The following SH3RF2 variants were observed in gnomAD, a reference collection of about 807,000 sequenced individuals.
SH3RF2 encodes the protein SH3 domain containing ring finger 2, also known as E3 ubiquitin-protein ligase SH3RF2.
A neutral mutation model predicts 59.0 loss-of-function variants in SH3RF2; 43 were observed. The ratio of observed to expected loss-of-function variants is 0.73; its 90% CI spans 0.57 to 0.94. The LOEUF is 0.94. SH3RF2 is among the 40% of genes least tolerant of loss of function. The pLI is 0.00. For missense variants in SH3RF2, 930 were observed against 940.1 expected, an observed-to-expected ratio of 0.99 and a Z score of 0.14; for synonymous variants, 391 against 391.5, an observed-to-expected ratio of 1.00 and a Z score of 0.01.
intron 7 of SH3RF2, among the ~76,000 whole-genome samples, chr5:146,049,828 T>A (rs1282046047): frequency 1.3e-5 from 2 of 152,060 alleles, no homozygotes; most frequent in Non-Finnish European, 2.9e-5. Flanking sequence ...TGGCATACTG[T>A]TCATGTCATT....
intron 9 of SH3RF2, among the ~76,000 whole-genome samples, chr5:146,074,093 A>G (rs1478025816): frequency 8.0e-5 from 11 of 137,272 alleles, no homozygotes; most frequent in South Asian, 2.2e-4. Flanking sequence ...AGGCTGGAGT[A>G]CAGAGGCGCG....
At chr5:145,998,008 C>G in intron 2 of SH3RF2, 1 of 710,950 alleles carries the variant, frequency 1.4e-6, no homozygotes, top group Non-Finnish European at 2.6e-6. Flanking sequence ...AGCACTGGAA[C>G]CTGAAGCAGA....
In SH3RF2 at chr5:145,997,772, AG is replaced by A. The variant is rs146230534; in HGVS notation, c.379-2285del. 8.5e-3 allele frequency: 13,333 copies of A among 1,572,624 alleles called. 937 individuals carry two copies. The African/African-American group carries it at 0.16, about 18-fold the overall frequency. ...TGTGGACAAAAAGCAGCAAAAAAAG[AG>A]TCACTCCCTAAACCTAAAGAAAAAA... On this transcript the variant is annotated intron_variant, in intron 2 of 9. Coordinates refer to ENST00000359120, the MANE Select transcript of SH3RF2 (RefSeq NM_152550.4).
At chr5:146,034,979 C>T (rs12187381) in intron 5 of SH3RF2, among the ~76,000 whole-genome samples, 2 of 151,718 alleles carry the variant, frequency 1.3e-5, no homozygotes, top group African/African-American at 4.8e-5. Context: ...GGTAGTGCAC[C>T]CCTGTAATCT....
chr5:145,966,030 G>A (rs1435119670), intron 2 of SH3RF2, among the ~76,000 whole-genome samples: 1 of 152,160 alleles, frequency 6.6e-6, no homozygotes, highest in Non-Finnish European at 1.5e-5. Context: ...GGAGGAGGGA[G>A]GTGGAGCTGT....
At chr5:145,976,466 C>T (rs968022782) in intron 2 of SH3RF2, among the ~76,000 whole-genome samples, 6 of 150,998 alleles carry the variant, frequency 4.0e-5, no homozygotes, top group Non-Finnish European at 7.4e-5. Context: ...AGGTGGGGGG[C>T]GGGTTTTGGA....
chr5:146,048,446 T>C (rs148427980), intron 6 of SH3RF2, among the ~76,000 whole-genome samples: 8 of 152,378 alleles, frequency 5.3e-5, no homozygotes, highest in Non-Finnish European at 1.2e-4. Flanking sequence ...CAATTTCTAT[T>C]GTCTTGCTTT....
intron 3 of SH3RF2, 144 bp from the exon 4 acceptor site, chr5:146,003,914 T>C (rs1760528882): frequency 1.9e-6 from 1 of 524,448 alleles, no homozygotes. Flanking sequence ...AAGTTCATTT[T>C]AGCAAAAAGA....
chr5:145,946,503 G>A (rs1014577509), intron 2 of SH3RF2, among the ~76,000 whole-genome samples: 3 of 152,118 alleles, frequency 2.0e-5, no homozygotes, highest in Non-Finnish European at 4.4e-5. Context: ...AGCCATTACA[G>A]AGCTATTTGA....
chr5:146,008,063 A>G (rs768710766), intron 4 of SH3RF2, among the ~76,000 whole-genome samples: 1 of 152,214 alleles, frequency 6.6e-6, no homozygotes, highest in Non-Finnish European at 1.5e-5. Context: ...TTGTTAATGT[A>G]TCATTTCACT....
intron 2 of SH3RF2, among the ~76,000 whole-genome samples, chr5:145,979,216 C>A (rs796902660): frequency 1.8e-4 from 28 of 152,332 alleles, no homozygotes; most frequent in African/African-American, 6.7e-4. Context: ...AACACAAATT[C>A]TTGGGCCCCA....
At chr5:145,960,668 T>C (rs772398183) in intron 2 of SH3RF2, among the ~76,000 whole-genome samples, 1 of 152,220 alleles carries the variant, frequency 6.6e-6, no homozygotes, top group Admixed American at 6.5e-5. Context: ...TGTGTTTAAC[T>C]CCTATGGCTG....
At chr5:146,008,002 A>T (rs1218272780) in intron 4 of SH3RF2, among the ~76,000 whole-genome samples, 1 of 152,184 alleles carries the variant, frequency 6.6e-6, no homozygotes, top group Non-Finnish European at 1.5e-5. Context: ...TATGAGCATG[A>T]TGTGTGTATG....
chr5:145,956,867 A>G (rs1286576922), intron 2 of SH3RF2, among the ~76,000 whole-genome samples: 1 of 152,218 alleles, frequency 6.6e-6, no homozygotes, highest in Non-Finnish European at 1.5e-5. Context: ...TGGCTTCAGT[A>G]TATCTGCTCT....
chr5:146,049,188 C>G lies in SH3RF2; in HGVS notation c.1265C>G (p.Ser422Cys). The change falls in exon 7 of 10, where the codon TCC becomes TGC. Residue 422 changes from serine (S) to cysteine (C), a missense_variant. Transcript: ENST00000359120. ...KCQDGWLRGV[S>C]LVTGRVGIFP... ...CAGGACGGCTGGCTCAGGGGCGTCTCCTTGGTCACCGGGCGAGTCGGCATC... is the reference window on the plus strand; with the variant it reads ...CAGGACGGCTGGCTCAGGGGCGTCTGCTTGGTCACCGGGCGAGTCGGCATC... 6.2e-7 allele frequency: 1 copy of G among 1,614,054 alleles called. No individual in the cohort carries two copies. The highest frequency in any genetic ancestry group is 8.5e-7 in the Non-Finnish European group (1 of 1,179,998).
chr5:145,981,142 T>A (rs1420760756), intron 2 of SH3RF2, among the ~76,000 whole-genome samples: 1 of 152,170 alleles, frequency 6.6e-6, no homozygotes, highest in Non-Finnish European at 1.5e-5. Context: ...TCACCCAGGC[T>A]GGAGTGCAGT....
intron 4 of SH3RF2, among the ~76,000 whole-genome samples, chr5:146,006,595 G>T (rs1234467825): frequency 3.3e-5 from 5 of 152,104 alleles, no homozygotes; most frequent in African/African-American, 1.2e-4. Context: ...ATGTGGTGTA[G>T]CCAGGGGAAA....
chr5:146,033,654 G>C (rs1225047968), intron 5 of SH3RF2, among the ~76,000 whole-genome samples: 2 of 151,488 alleles, frequency 1.3e-5, no homozygotes, highest in Non-Finnish European at 2.9e-5. Flanking sequence ...ATTATTATTA[G>C]AGACGGGGTT....
At chr5:146,075,668 G>T (rs570859777) in intron 9 of SH3RF2, among the ~76,000 whole-genome samples, 1 of 151,564 alleles carries the variant, frequency 6.6e-6, no homozygotes, top group Admixed American at 6.6e-5. Flanking sequence ...AAAATTAGCT[G>T]GGCATGGTAG....
Sources: allele counts gnomAD v4.1 joint callset (sites outside exome capture counted in the v4.1 genomes callset), GRCh38; gene constraint gnomAD v4.1.1; transcripts MANE v1.5; gene names NCBI Gene and HGNC (gene_info 2026-07-23, HGNC 2026-07-21).